The following ABHD2 variants were observed in gnomAD, a reference collection of about 807,000 sequenced individuals.
ABHD2 encodes the protein monoacylglycerol lipase ABHD2.
ABHD2 carries 20 observed loss-of-function variants against 48.1 expected under a neutral mutation model. The observed-to-expected ratio is 0.42, with a 90% CI of 0.29 to 0.60. ABHD2 has a LOEUF of 0.60. ABHD2 is among the 20% of genes least tolerant of loss of function. ABHD2 has a pLI of 0.24. For missense variants in ABHD2, 405 were observed against 550.9 expected, an observed-to-expected ratio of 0.74 and a Z score of 2.65; for synonymous variants, 209 against 214.2, an observed-to-expected ratio of 0.98 and a Z score of 0.21.
intron 1 of ABHD2, among the ~76,000 whole-genome samples, chr15:89,110,361 C>T (rs1045953105): frequency 3.3e-5 from 5 of 152,136 alleles, no homozygotes; most frequent in African/African-American, 1.2e-4. Context: ...TGCACCCGGC[C>T]TTATTGTCTT....
Position 89,091,671 on chromosome 15 carries a change from A to C in ABHD2, c.-107+3108A>C, listed in dbSNP as rs1901602565. On this transcript the variant is annotated intron_variant, in intron 1 of 10. Coordinates refer to ENST00000352732, the MANE Select transcript of ABHD2 (RefSeq NM_152924.5). The surrounding 1 kb of genome is among the most constrained non-coding windows in gnomAD (Gnocchi z 5.5). ...GTAGAGTCTGTCTTATTTTTTGCCT[A>C]AAATCTGGCTCTTTTAAAAGCCCCA... 6.6e-6 allele frequency among the ~76,000 whole-genome samples: 1 copy of C among 152,160 alleles called. No individual in the cohort carries two copies. Among genetic ancestry groups the C allele is most frequent in the Non-Finnish European group, 1.5e-5 (1 of 68,028 alleles).
chr15:89,131,661 G>A (rs1342919268), intron 3 of ABHD2, among the ~76,000 whole-genome samples: 1 of 152,184 alleles, frequency 6.6e-6, no homozygotes, highest in Non-Finnish European at 1.5e-5. Flanking sequence ...GTGATAACTT[G>A]AGGGAAAATA....
intron 5 of ABHD2, among the ~76,000 whole-genome samples, chr15:89,159,185 T>TTGGATTAA (rs1442283621): frequency 6.6e-6 from 1 of 151,942 alleles, no homozygotes; most frequent in East Asian, 1.9e-4. Flanking sequence ...GAGAGCAGCC[T>TTGGATTAA]GGCCAACATG....
intron 4 of ABHD2, among the ~76,000 whole-genome samples, chr15:89,154,216 G>A (rs2050635786): frequency 6.6e-6 from 1 of 152,090 alleles, no homozygotes; most frequent in Admixed American, 6.6e-5. Context: ...CCTCGCAAAT[G>A]GTTGGAATAC....
rs877317 is a variant in ABHD2, at chr15:89,177,370, C to T, written c.722+1375C>T. ...GGTTCGATCGGCGGATCACAAAGAC[C>T]GGTCCAGTGAACTAGTGACTGCCTC... On this transcript the variant is annotated intron_variant, in intron 6 of 10. Coordinates refer to ENST00000352732, the MANE Select transcript of ABHD2 (RefSeq NM_152924.5). This position sits in a 1 kb window ranked among gnomAD's most constrained non-coding sequence, Gnocchi z 5.6. 0.097 allele frequency among the ~76,000 whole-genome samples: 14,713 copies of T among 152,188 alleles called. 2,310 individuals carry two copies. The highest frequency in any genetic ancestry group is 0.33 in the African/African-American group (13,734 of 41,490).
At chr15:89,180,896 T>C (rs2051099560) in intron 6 of ABHD2, among the ~76,000 whole-genome samples, 1 of 152,038 alleles carries the variant, frequency 6.6e-6, no homozygotes, top group African/African-American at 2.4e-5. Flanking sequence ...TTTTAAAAAA[T>C]CAAGAAAAAT....
At chr15:89,103,012 C>G (rs954855345) in intron 1 of ABHD2, among the ~76,000 whole-genome samples, 3 of 152,206 alleles carry the variant, frequency 2.0e-5, no homozygotes, top group Non-Finnish European at 2.9e-5. Flanking sequence ...GAGAGGAACA[C>G]TTGAGGGCAT....
At chr15:89,073,449 C>A in the ABHD2 span, among the ~76,000 whole-genome samples, 1 of 152,118 alleles carries the variant, frequency 6.6e-6, no homozygotes, top group African/African-American at 2.4e-5. Flanking sequence ...GTGCCCACGA[C>A]CATGCCTGGT....
chr15:89,125,265 A>G (rs1379700674), intron 3 of ABHD2, among the ~76,000 whole-genome samples: 8 of 152,082 alleles, frequency 5.3e-5, no homozygotes, highest in Admixed American at 5.2e-4. Context: ...AAAAAAAAAA[A>G]AAGAGTTGTG....
At chr15:89,093,709 A>G (rs2049564677) in intron 1 of ABHD2, 1 of 152,188 alleles carries the variant, frequency 6.6e-6, no homozygotes. Flanking sequence ...CTGTCCTTGA[A>G]AGTATTTCCC....
In ABHD2 at chr15:89,184,754, G is replaced by T. The variant is rs970831994; in HGVS notation, c.723-670G>T. The stretch of plus-strand genomic sequence containing the variant: ...GCCGCCATTGAAGGGTCAGAGTGTG[G>T]CCCTCACAGCCACACACTAGTGTGC... On this transcript the variant is annotated intron_variant, in intron 6 of 10. Coordinates refer to ENST00000352732, the MANE Select transcript of ABHD2 (RefSeq NM_152924.5). This position sits in a 1 kb window ranked among gnomAD's most constrained non-coding sequence, Gnocchi z 5.1. Among the ~76,000 whole-genome samples the T allele has an allele frequency of 1.3e-5, 2 of 152,134 alleles. No individual in the cohort carries two copies.
rs137856903 is a variant in ABHD2 at position 89,157,821 on chromosome 15, T to C, written c.538+2287T>C. ...TCGCGCCACTGCACTCCAGCCTTGG[T>C]GACAGAGTGAGACTCCATCTCAAAA... On this transcript the variant is annotated intron_variant, in intron 5 of 10. Transcript: ENST00000352732. Among the ~76,000 whole-genome samples, 746 of 151,884 alleles carry C rather than the reference T, an allele frequency of 4.9e-3. 7 individuals carry two copies. Among genetic ancestry groups the C allele is most frequent in the African/African-American group, 0.017 (704 of 41,346 alleles).
chr15:89,078,819 C>T, the ABHD2 span, among the ~76,000 whole-genome samples: 1 of 151,940 alleles, frequency 6.6e-6, no homozygotes, highest in Non-Finnish European at 1.5e-5. Context: ...CAACCTCTGC[C>T]TCCCAGATTC....
rs538919318 is a variant in ABHD2, at chr15:89,138,240, A to G, written c.195-13437A>G. On this transcript the variant is annotated intron_variant, in intron 3 of 10. Coordinates refer to ENST00000352732, the MANE Select transcript of ABHD2 (RefSeq NM_152924.5). ...TGCACACACATGCATGCACATGCACATGTGCACACACAGGAAGGCCTGGAA... is the reference window on the plus strand; with the variant it reads ...TGCACACACATGCATGCACATGCACGTGTGCACACACAGGAAGGCCTGGAA... Among the ~76,000 whole-genome samples the G allele has an allele frequency of 4.1e-4, 63 of 152,320 alleles. No homozygotes were observed. In the South Asian group the frequency reaches 0.011, roughly 27 times the overall value.
the ABHD2 span, among the ~76,000 whole-genome samples, chr15:89,062,362 G>C: frequency 7.3e-4 from 111 of 151,864 alleles, no homozygotes; most frequent in African/African-American, 2.6e-3. Flanking sequence ...GTTTTTGTGT[G>C]GGGGGGTGGG....
intron 1 of ABHD2, among the ~76,000 whole-genome samples, chr15:89,099,506 G>C (rs1328051542): frequency 6.6e-6 from 1 of 152,182 alleles, no homozygotes; most frequent in Non-Finnish European, 1.5e-5. Flanking sequence ...CCAGCTACTC[G>C]GGAAGCTGAG....
the ABHD2 span, among the ~76,000 whole-genome samples, chr15:89,069,674 C>CTTT: frequency 2.8e-3 from 148 of 52,880 alleles, 21 homozygotes; most frequent in East Asian, 0.016. Flanking sequence ...TTCATTTACT[C>CTTT]TTTTTTTTTT....
chr15:89,183,384 AATATATATATATATATATAT>A (rs1555433648), intron 6 of ABHD2: 3 of 46,268 alleles, frequency 6.5e-5, no homozygotes, highest in African/African-American at 1.4e-4. Flanking sequence ...AAAAAAAAAA[AATATATATATATATATATAT>A]ATATATATAT....
chr15:89,127,095 G>C (rs1209119530), intron 3 of ABHD2, among the ~76,000 whole-genome samples: 1 of 152,168 alleles, frequency 6.6e-6, no homozygotes, highest in Admixed American at 6.5e-5. Context: ...CCTCTACCAA[G>C]TACCAAGGGC....
Sources: gnomAD v4.1 joint callset for allele counts (sites outside exome capture counted in the v4.1 genomes callset) on GRCh38, gnomAD v4.1.1 for gene constraint, Gnocchi (gnomAD v3.1) non-coding constraint, MANE v1.5 for transcripts, NCBI Gene and HGNC (gene_info 2026-07-23, HGNC 2026-07-21) for gene names.